The following TSC22D1 variants were observed in gnomAD, a reference collection of about 807,000 sequenced individuals.
TSC22D1 encodes TSC22 domain family protein 1.
In TSC22D1, 9 loss-of-function variants were observed where a neutral mutation model predicts 74.2. The observed-to-expected ratio is 0.12, with a 90% CI of 0.07 to 0.21. The LOEUF is 0.21. Ranked by LOEUF, TSC22D1 falls within the 10% of genes least tolerant of loss-of-function variation. The pLI, the probability that TSC22D1 is intolerant of heterozygous loss-of-function variation, is 1.00. For missense variants in TSC22D1, 1,427 were observed against 1,304.7 expected (o/e 1.09, Z -1.44); for synonymous variants, 586 against 492.5 (o/e 1.19, Z -2.51).
intron 1 of TSC22D1, among the ~76,000 whole-genome samples, chr13:44,535,723 AC>A (rs1881098734): frequency 6.6e-6 from 1 of 151,976 alleles, no homozygotes. Flanking sequence ...TGATGGTGAA[AC>A]CATAAGCCTA....
At chr13:44,569,450 C>A (rs915114422) in intron 1 of TSC22D1, among the ~76,000 whole-genome samples, 1 of 151,876 alleles carries the variant, frequency 6.6e-6, no homozygotes, top group African/African-American at 2.4e-5. Context: ...GAAGCTCTTC[C>A]ATTTATTTCT....
chr13:44,438,840 A>C (rs1382699344), intron 1 of TSC22D1, among the ~76,000 whole-genome samples: 1 of 152,200 alleles, frequency 6.6e-6, no homozygotes, highest in East Asian at 1.9e-4. Context: ...ATATTTTGAA[A>C]GTTAAAGTTA....
intron 1 of TSC22D1, among the ~76,000 whole-genome samples, chr13:44,554,199 C>T (rs777472526): frequency 5.3e-5 from 8 of 152,160 alleles, no homozygotes; most frequent in Non-Finnish European, 1.0e-4. Flanking sequence ...TAGCTATTAC[C>T]TGCACATAAC....
chr13:44,523,852 A>G (rs1469335325), intron 1 of TSC22D1, among the ~76,000 whole-genome samples: 1 of 152,234 alleles, frequency 6.6e-6, no homozygotes, highest in African/African-American at 2.4e-5. Context: ...AAGATGATGT[A>G]TGAAAGCATA....
At chr13:44,436,777 G>C in intron 1 of TSC22D1, 1 of 1,463,192 alleles carries the variant, frequency 6.8e-7, no homozygotes, top group Non-Finnish European at 9.0e-7. Flanking sequence ...TCTAGGGCTT[G>C]ATGATCCCAG....
intron 1 of TSC22D1, chr13:44,516,260 G>A (rs1412143098): frequency 2.6e-6 from 1 of 391,768 alleles, no homozygotes; most frequent in Non-Finnish European, 4.9e-6. Context: ...GGGGGCACTA[G>A]AAATTGACGC....
rs746345825 is a variant in TSC22D1, at chr13:44,561,018, C to A, written c.2912+12145G>T. Among the ~76,000 whole-genome samples the A allele has an allele frequency of 3.9e-5, 6 of 152,152 alleles. No individual in the cohort carries two copies. The Middle Eastern group carries it at 0.014, about 345-fold the overall frequency. On this transcript the variant is annotated intron_variant, in intron 1 of 2. Coordinates refer to ENST00000458659, the MANE Select transcript of TSC22D1 (RefSeq NM_183422.4). ...AAACATAAGGAGACTTAATGGAAGT[C>A]CAAAAAAGGATCAGAAATGCTATGC...
intron 1 of TSC22D1, among the ~76,000 whole-genome samples, chr13:44,572,798 G>C (rs1343531488): frequency 1.3e-5 from 2 of 152,204 alleles, no homozygotes; most frequent in South Asian, 4.1e-4. Context: ...AACCCCCCAA[G>C]AGATTATTTT....
At position 44,549,094 on chromosome 13, in the gene TSC22D1, T is replaced by A. The variant is rs74912060; in HGVS notation, c.2912+24069A>T. ...TAATAATCTGTATGAATGCTGTGGC[T>A]GACCTGAATTTTAATATATTTTAAG... On this transcript the variant is annotated intron_variant, in intron 1 of 2. Transcript: ENST00000458659. 4.9e-3 allele frequency among the ~76,000 whole-genome samples: 745 copies of A among 152,296 alleles called. 8 individuals are homozygous for A. Among genetic ancestry groups the A allele is most frequent in the African/African-American group, 0.017 (715 of 41,562 alleles).
intron 1 of TSC22D1, among the ~76,000 whole-genome samples, chr13:44,481,232 G>C (rs957196906): frequency 6.6e-6 from 1 of 152,210 alleles, no homozygotes; most frequent in African/African-American, 2.4e-5. Context: ...CTCGGGGCTT[G>C]AGACTTCGCA....
In TSC22D1 at chr13:44,573,957, T is replaced by C. The variant is rs142800671; in HGVS notation, c.2118A>G (p.Ala706=). 14,543 of 1,614,112 alleles carry C rather than the reference T, an allele frequency of 9.0e-3. 77 individuals carry two copies. Among genetic ancestry groups the C allele is most frequent in the Middle Eastern group, 0.015 (90 of 6,062 alleles). The part of the protein sequence containing the change: ...VQPTAVPAQP[A]GASVQPVGQA... ...GGCCAACAGGCTGGACAGATGCCCCTGCAGGTTGTGCTGGGACTGCTGTGG... is the reference window on the plus strand; with the variant it reads ...GGCCAACAGGCTGGACAGATGCCCCCGCAGGTTGTGCTGGGACTGCTGTGG... Residue 706 remains alanine, a synonymous_variant, in exon 1 of 3, where the codon GCA becomes GCG. Transcript: ENST00000458659.
intron 1 of TSC22D1, among the ~76,000 whole-genome samples, chr13:44,572,303 G>A (rs535967062): frequency 6.6e-6 from 1 of 152,104 alleles, no homozygotes; most frequent in East Asian, 1.9e-4. Flanking sequence ...TCCAATCTAC[G>A]TGAAAAAACG....
chr13:44,512,927 C>T (rs1453252636), intron 1 of TSC22D1, among the ~76,000 whole-genome samples: 4 of 152,104 alleles, frequency 2.6e-5, no homozygotes, highest in East Asian at 1.9e-4. Context: ...GGATTACAGG[C>T]GTGAGCCACT....
chr13:44,437,348 G>C (rs1048690720), intron 1 of TSC22D1: 14 of 754,682 alleles, frequency 1.9e-5, no homozygotes, highest in Admixed American at 1.3e-4. Flanking sequence ...CAGCGGTACT[G>C]GGAGGATTTT....
At position 44,575,070 on chromosome 13, in the gene TSC22D1, A is replaced by T. The variant is rs774078311; in HGVS notation, c.1005T>A (p.Asn335Lys). The T allele has an allele frequency of 6.2e-7, 1 of 1,614,202 alleles. No individual in the cohort carries two copies. The highest frequency in any genetic ancestry group is 1.7e-5 in the Admixed American group (1 of 60,030). The part of the protein sequence containing the change: ...NPNVTSSMLG[N>K]VNISTSNIPS... ...GAATATTGCTTGTACTTATATTAACATTACCAAGCATGCTGCTTGTCACAT... is the reference window on the plus strand; with the variant it reads ...GAATATTGCTTGTACTTATATTAACTTTACCAAGCATGCTGCTTGTCACAT... The change falls in exon 1 of 3, where the codon AAT becomes AAA. Residue 335 changes from asparagine (N) to lysine (K), a missense_variant. Transcript: ENST00000458659.
intron 1 of TSC22D1, among the ~76,000 whole-genome samples, chr13:44,437,897 C>G (rs1874868400): frequency 6.6e-6 from 1 of 152,150 alleles, no homozygotes; most frequent in African/African-American, 2.4e-5. Context: ...AGTTAAGCAG[C>G]CAATAGATGC....
At chr13:44,510,306 C>T (rs1879656864) in intron 1 of TSC22D1, among the ~76,000 whole-genome samples, 2 of 151,786 alleles carry the variant, frequency 1.3e-5, no homozygotes, top group South Asian at 4.2e-4. Context: ...GCAGGAGAAT[C>T]ACTTGAACCT....
chr13:44,500,318 T>C (rs1483671547), intron 1 of TSC22D1, among the ~76,000 whole-genome samples: 1 of 152,160 alleles, frequency 6.6e-6, no homozygotes, highest in Admixed American at 6.5e-5. Context: ...TAAAAAAACC[T>C]CATATACACA....
intron 1 of TSC22D1, among the ~76,000 whole-genome samples, chr13:44,572,790 C>A (rs755161791): frequency 1.3e-5 from 2 of 152,134 alleles, no homozygotes; most frequent in Admixed American, 6.5e-5. Context: ...GGAACCACAA[C>A]CCCCCAAGAG....
Sources: allele counts gnomAD v4.1 joint callset (sites outside exome capture counted in the v4.1 genomes callset), GRCh38; gene constraint gnomAD v4.1.1; transcripts MANE v1.5; gene names NCBI Gene and HGNC (gene_info 2026-07-23, HGNC 2026-07-21).